SRGAP2C: variants seen among roughly 807,000 people sequenced by gnomAD.
The protein encoded by SRGAP2C is SLIT-ROBO Rho GTPase activating protein 2C.
Under a neutral mutation model 25.1 loss-of-function variants are expected in SRGAP2C, and 15 were observed. The ratio of observed to expected loss-of-function variants is 0.60; its 90% CI spans 0.40 to 0.92. SRGAP2C has a LOEUF of 0.92. SRGAP2C is among the 40% of genes least tolerant of loss of function. SRGAP2C has a pLI of 0.00. For missense variants in SRGAP2C, 144 were observed against 264.4 expected (o/e 0.54, Z 3.16); for synonymous variants, 44 against 96.6 (o/e 0.46, Z 3.19).
rs587728893 is a variant in SRGAP2C, at chr1:121,267,849, C to CT, written c.68-16948dup. ...TCTCCTTTGATTTTTGATGGGTTTC[C>CT]TTTTTTAATTTTTAAAGGAATAACT... On this transcript the variant is annotated intron_variant, in intron 2 of 9. Transcript: ENST00000367123. Among the ~76,000 whole-genome samples the CT allele has an allele frequency of 3.2e-3, 472 of 148,732 alleles. 7 individuals carry two copies. The highest frequency in any genetic ancestry group is 0.011 in the African/African-American group (434 of 40,492).
rs1205329141 is a variant in SRGAP2C, at chr1:121,258,465, CTT to C, written c.68-26322_68-26321del. On this transcript the variant is annotated intron_variant, in intron 2 of 9. Transcript: ENST00000367123. The stretch of plus-strand genomic sequence containing the variant: ...CATCCCCAAATGGTCATCTATCACT[CTT>C]TTTTTTTTTTTTTTTGAGACGGAGT... Among the ~76,000 whole-genome samples the C allele has an allele frequency of 3.6e-3, 451 of 125,694 alleles. 10 individuals are homozygous for C. The highest frequency in any genetic ancestry group is 0.017 in the African/African-American group (426 of 25,638). 82.5% of individuals were successfully genotyped at this position (125,694 alleles called of 152,430 possible).
intron 2 of SRGAP2C, among the ~76,000 whole-genome samples, chr1:121,222,781 G>A (rs1570716868): frequency 6.6e-6 from 1 of 152,080 alleles, no homozygotes; most frequent in Non-Finnish European, 1.5e-5. Context: ...TTTCATTTAT[G>A]CAGACAGACT....
rs1660113272 is a variant in SRGAP2C, at chr1:121,392,211, C to A, written c.*4356C>A. On this transcript the variant is annotated 3_prime_UTR_variant, in exon 10 of 10. Coordinates refer to ENST00000367123, the MANE Select transcript of SRGAP2C (RefSeq NM_001329984.2). ...ATTTGTGGGACATCATCAAATAGAC[C>A]AACATTCATATTCTAGAAGGATAAA... is the stretch of plus-strand genomic sequence containing the variant. 6.6e-6 allele frequency: 1 copy of A among 151,964 alleles called. No individual in the cohort carries two copies. The allele number at this position is 151,964 out of a possible 1,614,324, so 9.4% of individuals were successfully genotyped here.
intron 5 of SRGAP2C, among the ~76,000 whole-genome samples, chr1:121,372,342 G>T (rs1553351402): frequency 6.6e-6 from 1 of 151,994 alleles, no homozygotes; most frequent in Admixed American, 6.6e-5. Flanking sequence ...TGTGGGGGCT[G>T]TCCTGTGCAT....
intron 5 of SRGAP2C, among the ~76,000 whole-genome samples, chr1:121,373,256 G>A (rs112498787): frequency 3.0e-4 from 2 of 6,770 alleles, no homozygotes; most frequent in African/African-American, 6.8e-4. Context: ...AAGGCTTACA[G>A]TCTTCATAGG....
intron 2 of SRGAP2C, among the ~76,000 whole-genome samples, chr1:121,255,272 C>A (rs1213811504): frequency 1.3e-5 from 2 of 150,736 alleles, no homozygotes; most frequent in Non-Finnish European, 3.0e-5. Flanking sequence ...TCGTAAAAAT[C>A]CGTCTGTGGG....
At chr1:121,337,835 T>TA (rs1200228843) in intron 4 of SRGAP2C, among the ~76,000 whole-genome samples, 10 of 118,100 alleles carry the variant, frequency 8.5e-5, no homozygotes, top group South Asian at 6.4e-4. Context: ...ATAATTTTTT[T>TA]AAAAAAAGCA....
At chr1:121,206,330 T>A (rs1254110455) in intron 2 of SRGAP2C, among the ~76,000 whole-genome samples, 2 of 152,026 alleles carry the variant, frequency 1.3e-5, no homozygotes, top group African/African-American at 4.8e-5. Flanking sequence ...AGGCACCCAA[T>A]AAATGTGTGC....
chr1:121,239,196 A>AC (rs1209536800), intron 2 of SRGAP2C, among the ~76,000 whole-genome samples: 1 of 3,294 alleles, frequency 3.0e-4, no homozygotes, highest in African/African-American at 3.2e-3. Flanking sequence ...ATATATATAT[A>AC]TATATATATA....
At chr1:121,329,473 GT>G (rs1429916605) in intron 4 of SRGAP2C, among the ~76,000 whole-genome samples, 5 of 135,468 alleles carry the variant, frequency 3.7e-5, no homozygotes, top group African/African-American at 1.4e-4. Flanking sequence ...ACATTGGATT[GT>G]TTTTCCTACC....
chr1:121,368,637 T>A (rs1659407722), intron 5 of SRGAP2C, among the ~76,000 whole-genome samples: 2 of 150,096 alleles, frequency 1.3e-5, no homozygotes, highest in African/African-American at 4.9e-5. Context: ...TTTTATCAGG[T>A]GGGAAGCTGG....
chr1:121,348,147 G>T lies in SRGAP2C; in HGVS notation c.424-17146G>T, dbSNP rs1444191471. ...AAGACTGTTGCCTGAACTCTGTAGG[G>T]CAAGAATGAGAAGCAGTGCCCCCAA... On this transcript the variant is annotated intron_variant, in intron 4 of 9. Coordinates refer to ENST00000367123, the MANE Select transcript of SRGAP2C (RefSeq NM_001329984.2). Among the ~76,000 whole-genome samples the T allele has an allele frequency of 5.5e-5, 5 of 90,236 alleles. No homozygotes were observed. The East Asian group carries it at 2.8e-3, about 51-fold the overall frequency. 59.2% of individuals were successfully genotyped at this position (90,236 alleles called of 152,430 possible). A position where few individuals can be genotyped will look rare whatever the true frequency, so the allele number is the denominator to read the frequency against.
chr1:121,343,522 G>A (rs1207346333), intron 4 of SRGAP2C, among the ~76,000 whole-genome samples: 1 of 109,046 alleles, frequency 9.2e-6, no homozygotes, highest in Non-Finnish European at 1.9e-5. Context: ...CCTCTGGCCT[G>A]ATACCACATA....
intron 3 of SRGAP2C, chr1:121,314,842 A>G (rs1265888877): frequency 1.2e-5 from 6 of 518,060 alleles, no homozygotes; most frequent in African/African-American, 2.0e-5. Context: ...TCAGATGGAA[A>G]TGCAGAAATC....
At chr1:121,357,571 C>T (rs1659092039) in intron 4 of SRGAP2C, among the ~76,000 whole-genome samples, 2 of 149,068 alleles carry the variant, frequency 1.3e-5, no homozygotes, top group African/African-American at 5.0e-5. Context: ...TGAATTATTT[C>T]TTACAGAGTC....
At chr1:121,365,946 CTG>C (rs1441731059) in intron 5 of SRGAP2C, among the ~76,000 whole-genome samples, 2 of 146,578 alleles carry the variant, frequency 1.4e-5, no homozygotes, top group Admixed American at 6.9e-5. Flanking sequence ...AGAACACAAT[CTG>C]TTCTGAGATG....
chr1:121,328,481 A>T (rs1658362237), intron 4 of SRGAP2C, among the ~76,000 whole-genome samples: 1 of 152,166 alleles, frequency 6.6e-6, no homozygotes, highest in Non-Finnish European at 1.5e-5. Context: ...TATCATGTTA[A>T]GCACTTTATA....
intron 2 of SRGAP2C, among the ~76,000 whole-genome samples, chr1:121,234,887 C>A (rs1319269919): frequency 6.6e-6 from 1 of 151,242 alleles, no homozygotes; most frequent in African/African-American, 2.5e-5. Context: ...AAGACCCTCA[C>A]CAGAGGCAGG....
At chr1:121,202,118 A>C (rs1430827870) in intron 2 of SRGAP2C, among the ~76,000 whole-genome samples, 1 of 152,136 alleles carries the variant, frequency 6.6e-6, no homozygotes, top group Non-Finnish European at 1.5e-5. Flanking sequence ...CCAATCTATA[A>C]ATGGTCAGTT....
Sources: gnomAD v4.1 joint callset for allele counts (sites outside exome capture counted in the v4.1 genomes callset) on GRCh38, gnomAD v4.1.1 for gene constraint, MANE v1.5 for transcripts, NCBI Gene and HGNC (gene_info 2026-07-23, HGNC 2026-07-21) for gene names.